Variants in NARS2 observed in about 807,000 individuals in gnomAD.
NARS2 encodes the protein asparaginyl-tRNA synthetase 2, mitochondrial.
Under a neutral mutation model 62.9 loss-of-function variants are expected in NARS2, and 60 were observed. The observed-to-expected ratio is 0.95, with a 90% CI of 0.77 to 1.18. The LOEUF (loss-of-function observed/expected upper bound fraction) is 1.18, where lower values mean the gene tolerates loss of function less well. Among genes scored for constraint, NARS2 ranks in the 50% most tolerant of loss-of-function variants. NARS2 has a pLI of 0.00. For synonymous variants in NARS2, 196 were observed against 200.0 expected, an observed-to-expected ratio of 0.98 and a Z score of 0.17; for missense variants, 619 against 576.4, an observed-to-expected ratio of 1.07 and a Z score of -0.76.
intron 11 of NARS2, among the ~76,000 whole-genome samples, chr11:78,445,706 T>C (rs1226915038): frequency 6.6e-6 from 1 of 152,170 alleles, no homozygotes; most frequent in Admixed American, 6.5e-5. Context: ...TCTTGGCTAC[T>C]TGGGAAGCTG....
At chr11:78,508,703 A>G (rs146234280) in intron 6 of NARS2, among the ~76,000 whole-genome samples, 20 of 152,372 alleles carry the variant, frequency 1.3e-4, no homozygotes, top group African/African-American at 4.8e-4. Context: ...ATGAACTCCA[A>G]GATGGTAAGA....
At chr11:78,448,179 CTTA>C (rs1428693791) in intron 11 of NARS2, among the ~76,000 whole-genome samples, 1 of 151,918 alleles carries the variant, frequency 6.6e-6, no homozygotes, top group Non-Finnish European at 1.5e-5. Flanking sequence ...GTTGCATATA[CTTA>C]TTATATATAT....
chr11:78,535,419 A>C (rs545215762), intron 5 of NARS2, among the ~76,000 whole-genome samples: 3 of 152,344 alleles, frequency 2.0e-5, no homozygotes, highest in African/African-American at 7.2e-5. Context: ...TTGAGATAAA[A>C]TCTCAAAATC....
intron 7 of NARS2, among the ~76,000 whole-genome samples, chr11:78,482,737 G>T (rs1390825291): frequency 1.3e-5 from 2 of 152,144 alleles, no homozygotes; most frequent in Non-Finnish European, 2.9e-5. Context: ...TTCTGAAGTT[G>T]AGACAGTAAT....
intron 7 of NARS2, among the ~76,000 whole-genome samples, chr11:78,489,397 A>C (rs1372383028): frequency 6.6e-6 from 1 of 152,218 alleles, no homozygotes; most frequent in Non-Finnish European, 1.5e-5. Context: ...ACTAATACAC[A>C]GCTCTTAGAA....
Position 78,530,322 on chromosome 11 carries a change from C to T in NARS2, c.595-1386G>A, listed in dbSNP as rs1056961195. Among the ~76,000 whole-genome samples, 5 of 151,880 alleles carry T rather than the reference C, an allele frequency of 3.3e-5. No individual in the cohort carries two copies. The South Asian group carries it at 8.3e-4, about 25-fold the overall frequency. On this transcript the variant is annotated intron_variant, in intron 5 of 13. Coordinates refer to ENST00000281038, the MANE Select transcript of NARS2 (RefSeq NM_024678.6). ...CATTATTTACTAAAGAATTGCTTTC[C>T]GAAATGAGGTCCAACAAATTTATAA...
At chr11:78,456,639 C>G (rs1410796945) in intron 11 of NARS2, among the ~76,000 whole-genome samples, 1 of 152,204 alleles carries the variant, frequency 6.6e-6, no homozygotes, top group Non-Finnish European at 1.5e-5. Context: ...TGACCTTTCT[C>G]TGGTTTGCTA....
intron 11 of NARS2, 180 bp from the exon 12 acceptor site, chr11:78,443,938 T>A (rs1443513213): frequency 4.7e-6 from 2 of 426,010 alleles, no homozygotes; most frequent in Admixed American, 7.2e-5. Flanking sequence ...TTGTGTAGTA[T>A]ACTGAACACA....
chr11:78,538,718 G>A (rs1466223177), intron 5 of NARS2, among the ~76,000 whole-genome samples: 3 of 151,976 alleles, frequency 2.0e-5, no homozygotes, highest in South Asian at 2.1e-4. Flanking sequence ...AGGTTAGGCC[G>A]GGCGCGGTGG....
intron 6 of NARS2, among the ~76,000 whole-genome samples, chr11:78,528,504 T>C (rs1166383603): frequency 1.3e-5 from 2 of 152,202 alleles, no homozygotes; most frequent in South Asian, 2.1e-4. Context: ...TACTACTCTC[T>C]TTAAAATGAA....
At chr11:78,572,586 T>C (rs187234199) in intron 1 of NARS2, among the ~76,000 whole-genome samples, 3 of 152,346 alleles carry the variant, frequency 2.0e-5, no homozygotes, top group African/African-American at 7.2e-5. Context: ...GATATCTTCC[T>C]TAACCTTCTC....
intron 11 of NARS2, among the ~76,000 whole-genome samples, chr11:78,455,873 C>T (rs1332056928): frequency 2.0e-5 from 3 of 151,408 alleles, no homozygotes; most frequent in Admixed American, 6.6e-5. Context: ...AGTTAATTAT[C>T]GGCACATACT....
chr11:78,468,419 T>C (rs1858724257), intron 10 of NARS2, among the ~76,000 whole-genome samples: 1 of 150,656 alleles, frequency 6.6e-6, no homozygotes, highest in Non-Finnish European at 1.5e-5. Flanking sequence ...ATCTTTTTTT[T>C]TTTTTTTGAG....
At chr11:78,560,812 T>C (rs1052046572) in intron 4 of NARS2, among the ~76,000 whole-genome samples, 11 of 152,188 alleles carry the variant, frequency 7.2e-5, no homozygotes, top group Non-Finnish European at 4.4e-5. Context: ...GAGCACATTA[T>C]AGAAAACCAA....
chr11:78,444,614 G>A (rs1219931392), intron 11 of NARS2, among the ~76,000 whole-genome samples: 5 of 151,846 alleles, frequency 3.3e-5, no homozygotes, highest in African/African-American at 1.2e-4. Flanking sequence ...AGCTACTTGG[G>A]AGGCCGAGGC....
chr11:78,480,536 T>C (rs1306086663), intron 7 of NARS2, among the ~76,000 whole-genome samples: 1 of 151,816 alleles, frequency 6.6e-6, no homozygotes, highest in Non-Finnish European at 1.5e-5. Flanking sequence ...ATTATAGGTG[T>C]GAGCCACTGC....
chr11:78,490,829 T>C (rs113534787), intron 7 of NARS2, among the ~76,000 whole-genome samples: 6 of 152,242 alleles, frequency 3.9e-5, no homozygotes, highest in South Asian at 2.1e-4. Flanking sequence ...TAAGTTTAGA[T>C]TGAAATGCTC....
chr11:78,437,270 T>A (rs923511102), intron 13 of NARS2, among the ~76,000 whole-genome samples: 1 of 152,152 alleles, frequency 6.6e-6, no homozygotes, highest in African/African-American at 2.4e-5. Flanking sequence ...TGAAAAGATA[T>A]CCTATAGATT....
intron 7 of NARS2, among the ~76,000 whole-genome samples, chr11:78,488,247 A>G (rs1408369715): frequency 1.3e-5 from 2 of 152,016 alleles, no homozygotes; most frequent in African/African-American, 4.8e-5. Context: ...AAAAAAAAAA[A>G]AAAAAACTGT....
Sources: gnomAD v4.1 joint callset for allele counts (sites outside exome capture counted in the v4.1 genomes callset) on GRCh38, gnomAD v4.1.1 for gene constraint, MANE v1.5 for transcripts, NCBI Gene and HGNC (gene_info 2026-07-23, HGNC 2026-07-21) for gene names.